Variants in HS6ST2 observed in about 807,000 individuals in gnomAD.
The protein encoded by HS6ST2 is heparan-sulfate 6-O-sulfotransferase 2.
Under a neutral mutation model 33.0 loss-of-function variants are expected in HS6ST2, and 17 were observed. That is an observed-to-expected ratio of 0.52 (90% CI 0.35 to 0.77). The LOEUF (loss-of-function observed/expected upper bound fraction) is 0.77. Ranked by LOEUF, HS6ST2 falls within the 30% of genes least tolerant of loss-of-function variation. The pLI, the probability that HS6ST2 is intolerant of heterozygous loss-of-function variation, is 0.01. For synonymous variants in HS6ST2, 248 were observed against 237.1 expected, an observed-to-expected ratio of 1.05 and a Z score of -0.42; for missense variants, 519 against 551.7, an observed-to-expected ratio of 0.94 and a Z score of 0.59.
chrX:132,873,776 G>C (rs777252947), intron 2 of HS6ST2, among the ~76,000 whole-genome samples: 33 of 111,414 alleles, frequency 3.0e-4, no homozygotes, highest in Non-Finnish European at 1.5e-4. Context: ...AACTTGTTAA[G>C]AATAGAAGTA....
chrX:132,955,398 G>A, intron 2 of HS6ST2, among the ~76,000 whole-genome samples: 1 of 112,431 alleles, frequency 8.9e-6, no homozygotes, highest in South Asian at 3.7e-4. Context: ...AGAGAGTGAA[G>A]AGGAGAGCCA....
intron 2 of HS6ST2, among the ~76,000 whole-genome samples, chrX:132,909,096 G>A (rs2066506429): frequency 9.1e-6 from 1 of 110,063 alleles, no homozygotes; most frequent in Non-Finnish European, 1.9e-5. Context: ...CATGGAGCCA[G>A]TCACCAGGCT....
chrX:132,908,991 G>GAAAAA (rs397975321), intron 2 of HS6ST2, among the ~76,000 whole-genome samples: 4 of 40,843 alleles, frequency 9.8e-5, no homozygotes, highest in Non-Finnish European at 1.3e-4. Context: ...GAACTCCACT[G>GAAAAA]AAAAAAAAAA....
chrX:132,722,187 C>CA (rs1217492848), intron 2 of HS6ST2, among the ~76,000 whole-genome samples: 906 of 44,125 alleles, frequency 0.021, 19 homozygotes, highest in South Asian at 0.058. Context: ...GACTCCGTCT[C>CA]AAAAAAAAAA....
At chrX:132,792,680 G>T (rs1298891766) in intron 2 of HS6ST2, among the ~76,000 whole-genome samples, 1 of 110,844 alleles carries the variant, frequency 9.0e-6, no homozygotes, top group African/African-American at 3.3e-5. Flanking sequence ...CCCATCACCT[G>T]CCCACCACTA....
intron 2 of HS6ST2, among the ~76,000 whole-genome samples, chrX:132,771,380 A>G (rs1024876830): frequency 1.9e-4 from 21 of 112,009 alleles, no homozygotes; most frequent in African/African-American, 6.1e-4. Context: ...AATGGATACT[A>G]CCTACAAAAG....
chrX:132,695,045 G>T (rs775977289), intron 3 of HS6ST2, among the ~76,000 whole-genome samples: 1 of 110,754 alleles, frequency 9.0e-6, no homozygotes, highest in South Asian at 3.9e-4. Flanking sequence ...TGGACCCCAG[G>T]GACGAGGTGG....
intron 2 of HS6ST2, among the ~76,000 whole-genome samples, chrX:132,747,788 C>T (rs1394885961): frequency 9.1e-6 from 1 of 110,458 alleles, no homozygotes; most frequent in African/African-American, 3.3e-5. Context: ...TCAGCTGTCT[C>T]ATCTATTTGC....
chrX:132,871,894 C>A (rs1036446264), intron 2 of HS6ST2, among the ~76,000 whole-genome samples: 1 of 111,077 alleles, frequency 9.0e-6, no homozygotes, highest in African/African-American at 3.3e-5. Flanking sequence ...CAAACCTGAA[C>A]GTTCCGCACA....
chrX:132,870,437 A>C (rs759863373), intron 2 of HS6ST2, among the ~76,000 whole-genome samples: 1 of 111,792 alleles, frequency 8.9e-6, no homozygotes, highest in South Asian at 3.8e-4. Context: ...CATATGGAAC[A>C]AAAAAAGAGC....
chrX:132,691,339 C>T (rs1438679168), intron 3 of HS6ST2, among the ~76,000 whole-genome samples: 2 of 111,592 alleles, frequency 1.8e-5, no homozygotes, highest in African/African-American at 6.5e-5. Flanking sequence ...TGAGCAACTA[C>T]TAGGTGCTAC....
intron 2 of HS6ST2, among the ~76,000 whole-genome samples, chrX:132,925,630 A>T (rs184784813): frequency 1.3e-4 from 15 of 111,964 alleles, no homozygotes; most frequent in Admixed American, 1.1e-3. Context: ...TATAGAGGAA[A>T]GAAAGAACTG....
intron 2 of HS6ST2, among the ~76,000 whole-genome samples, chrX:132,899,956 G>GA (rs1036109570): frequency 4.3e-4 from 46 of 106,406 alleles, no homozygotes; most frequent in South Asian, 1.2e-3. Flanking sequence ...TCTATTTACA[G>GA]AAAAAAAAAA....
At chrX:132,637,854 TATATATAATATA>T (rs1569475951) in intron 4 of HS6ST2, among the ~76,000 whole-genome samples, 4 of 26,560 alleles carry the variant, frequency 1.5e-4, no homozygotes, top group African/African-American at 3.0e-3. Context: ...ATATATAATA[TATATATAATATA>T]TTATATATAA....
At chrX:132,644,223 G>A (rs774703375) in intron 4 of HS6ST2, among the ~76,000 whole-genome samples, 1 of 108,397 alleles carries the variant, frequency 9.2e-6, no homozygotes, top group Non-Finnish European at 1.9e-5. Flanking sequence ...AAGGGGGGAG[G>A]GAGGGAAGGA....
At chrX:132,784,229 C>T (rs1345592236) in intron 2 of HS6ST2, among the ~76,000 whole-genome samples, 2 of 111,813 alleles carry the variant, frequency 1.8e-5, no homozygotes, top group Non-Finnish European at 3.8e-5. Flanking sequence ...AAATTACAAA[C>T]GCCCCGATTC....
At chrX:132,739,930 C>A (rs962352347) in intron 2 of HS6ST2, among the ~76,000 whole-genome samples, 1 of 111,322 alleles carries the variant, frequency 9.0e-6, no homozygotes, top group Non-Finnish European at 1.9e-5. Context: ...CATTCAGAGT[C>A]TTGTTTTTTT....
chrX:132,766,508 C>T (rs2064849595), intron 2 of HS6ST2, among the ~76,000 whole-genome samples: 1 of 111,485 alleles, frequency 9.0e-6, no homozygotes, highest in African/African-American at 3.3e-5. Flanking sequence ...CTAATCCTAG[C>T]CCTGCCACTA....
chrX:132,883,174 T>C (rs1467146741), intron 2 of HS6ST2, among the ~76,000 whole-genome samples: 1 of 111,735 alleles, frequency 8.9e-6, no homozygotes, highest in Non-Finnish European at 1.9e-5. Context: ...CCTCTTTTTC[T>C]ACTGATTGGA....
Sources: gnomAD v4.1 joint callset for allele counts (sites outside exome capture counted in the v4.1 genomes callset) on GRCh38, gnomAD v4.1.1 for gene constraint, MANE v1.5 for transcripts, NCBI Gene and HGNC (gene_info 2026-07-23, HGNC 2026-07-21) for gene names.